Variants in EMC3 observed in about 807,000 individuals in gnomAD.
EMC3 encodes 30 kDa protein.
Under a neutral mutation model 36.6 loss-of-function variants are expected in EMC3, and 13 were observed. That is an observed-to-expected ratio of 0.35 (90% confidence interval 0.23 to 0.56). EMC3 has a LOEUF of 0.56. EMC3 is among the 20% of genes least tolerant of loss of function. The probability of loss-of-function intolerance (pLI) is 0.84; values close to 1 mark genes in which losing one functional copy is unlikely to be tolerated. For synonymous variants in EMC3, 120 were observed against 111.9 expected, an observed-to-expected ratio of 1.07 and a Z score of -0.46; for missense variants, 220 against 324.5, an observed-to-expected ratio of 0.68 and a Z score of 2.47.
At chr3:10,003,053 A>C (rs1472457318) in intron 1 of EMC3, 1 of 456,260 alleles carries the variant, frequency 2.2e-6, no homozygotes, top group Non-Finnish European at 4.4e-6. Flanking sequence ...CAAGCCGCCC[A>C]GCATGACCCT....
chr3:9,994,050 CA>C, intron 1 of EMC3: 1 of 1,186,510 alleles, frequency 8.4e-7, no homozygotes. Flanking sequence ...CTGTGTAAAA[CA>C]AAGATTAAGA....
upstream of EMC3, chr3:9,987,264 G>C (rs2085987700): frequency 2.0e-6 from 2 of 984,298 alleles, no homozygotes; most frequent in African/African-American, 3.5e-5. Context: ...ACGGCTTCTC[G>C]GTGAGTAAAT....
rs1218605649 is a variant in EMC3 at position 10,003,049 on chromosome 3, G to A, written c.-242+7974C>T. On this transcript the variant is annotated intron_variant, in intron 1 of 8. Transcript: ENST00000470827. ...AGAAACATCCCAGGCTCAACAAGCC[G>A]CCCAGCATGACCCTGTGGCCTACCC... 3.3e-5 allele frequency: 15 copies of A among 452,120 alleles called. 1 individual carries two copies. Among genetic ancestry groups the A allele is most frequent in the South Asian group, 9.3e-5 (6 of 64,280 alleles). 28.0% of individuals were successfully genotyped at this position (452,120 alleles called of 1,614,324 possible).
intron 1 of EMC3, among the ~76,000 whole-genome samples, chr3:9,992,640 CACT>C (rs2086069303): frequency 1.3e-5 from 2 of 152,152 alleles, no homozygotes; most frequent in Admixed American, 1.3e-4. Flanking sequence ...GTAGTAGTAT[CACT>C]TTAATGTATA....
chr3:9,991,950 G>A (rs369580674), intron 1 of EMC3, among the ~76,000 whole-genome samples: 2 of 152,076 alleles, frequency 1.3e-5, no homozygotes, highest in Non-Finnish European at 2.9e-5. Flanking sequence ...TTGCGCTCCC[G>A]TGAGAATCTA....
chr3:10,006,981 T>C (rs921360591), intron 1 of EMC3: 3 of 289,042 alleles, frequency 1.0e-5, no homozygotes, highest in Non-Finnish European at 2.0e-5. Flanking sequence ...AAATGGTTAC[T>C]GATAAGTGAC....
intron 5 of EMC3, among the ~76,000 whole-genome samples, chr3:9,972,731 C>T (rs1160100754): frequency 1.3e-5 from 2 of 151,354 alleles, no homozygotes; most frequent in East Asian, 2.0e-4. Flanking sequence ...CACCGCTGCA[C>T]TCCAAGCTGG....
chr3:9,974,715 C>T (rs1217364849), intron 3 of EMC3, among the ~76,000 whole-genome samples: 8 of 151,378 alleles, frequency 5.3e-5, no homozygotes, highest in Admixed American at 1.3e-4. Context: ...CCTGCCACCA[C>T]GCCTGGCTAA....
intron 1 of EMC3, among the ~76,000 whole-genome samples, chr3:9,979,980 A>C (rs1473866505): frequency 2.0e-5 from 3 of 151,974 alleles, no homozygotes; most frequent in African/African-American, 7.3e-5. Context: ...GGTGTGCAAG[A>C]GCCAGACTAT....
chr3:10,001,405 C>CAAAAAA (rs60785369), intron 1 of EMC3, among the ~76,000 whole-genome samples: 1 of 79,650 alleles, frequency 1.3e-5, no homozygotes, highest in Non-Finnish European at 2.7e-5. Flanking sequence ...GCTAAAAATA[C>CAAAAAA]AAAAAAAAAA....
intron 7 of EMC3, 97 bp from the exon 8 acceptor site, chr3:9,964,294 G>A: frequency 6.6e-7 from 1 of 1,524,184 alleles, no homozygotes; most frequent in Non-Finnish European, 8.8e-7. Context: ...CCAAAAGCTG[G>A]AGTGAGCTAT....
Position 9,974,375 on chromosome 3 carries a change from G to C in EMC3, c.412+9C>G. ...GGGTAACATGAAGTCGGCTGGGTCT[G>C]TAACTTACTTGTGACAAAGCCTGAG... On this transcript the variant is annotated intron_variant, in intron 4 of 7. Transcript: ENST00000245046. 1 of 1,596,030 alleles carries C rather than the reference G, an allele frequency of 6.3e-7. No individual in the cohort carries two copies.
Position 9,963,454 on chromosome 3 carries a change from G to GATAGATAGATAGATATAGATAT in EMC3, c.*614_*615insATATCTATATCTATCTATCTAT, listed in dbSNP as rs756069988. ...CGAAGACTGGGCTTCTGCTAAGATA[G>GATAGATAGATAGATATAGATAT]ATATATATATATATATATATATATT... On this transcript the variant is annotated 3_prime_UTR_variant, in exon 8 of 8. Transcript: ENST00000245046. 1.0e-5 allele frequency: 1 copy of GATAGATAGATAGATATAGATAT among 99,716 alleles called. No homozygotes were observed. The highest frequency in any genetic ancestry group is 1.9e-5 in the Non-Finnish European group (1 of 51,734). The allele number at this position is 99,716 out of a possible 1,614,324, so 6.2% of individuals were successfully genotyped here. A position where few individuals can be genotyped will look rare whatever the true frequency, so the allele number is the denominator to read the frequency against.
At chr3:9,975,517 AAAAG>A (rs958525936) in intron 3 of EMC3, among the ~76,000 whole-genome samples, 6 of 152,122 alleles carry the variant, frequency 3.9e-5, no homozygotes, top group Non-Finnish European at 8.8e-5. Context: ...AAAAAAAAAA[AAAAG>A]AGATATCTTG....
At chr3:9,965,416 CGATA>C (rs57264688) in intron 7 of EMC3, among the ~76,000 whole-genome samples, 31,837 of 145,670 alleles carry the variant, frequency 0.22, 4,000 homozygotes, top group Non-Finnish European at 0.29. Flanking sequence ...GTGAGACCCT[CGATA>C]GATAGATAGA....
chr3:9,990,440 TC>T (rs1559355895), upstream of EMC3, among the ~76,000 whole-genome samples: 1 of 146,000 alleles, frequency 6.8e-6, no homozygotes. Context: ...GTTCAAGCGA[TC>T]CCCCCACCTC....
intron 2 of EMC3, 92 bp from the exon 3 acceptor site, chr3:9,977,142 T>G: frequency 9.8e-7 from 1 of 1,018,022 alleles, no homozygotes; most frequent in South Asian, 1.5e-5. Flanking sequence ...AGAAGGCCTT[T>G]AGGATATGCT....
Position 9,986,824 on chromosome 3 carries a change from C to T in EMC3, c.-163G>A, listed in dbSNP as rs6797980. 114 of 1,408,018 alleles carry T rather than the reference C, an allele frequency of 8.1e-5. No individual in the cohort carries two copies. Among genetic ancestry groups the T allele is most frequent in the Non-Finnish European group, 9.9e-5 (107 of 1,078,912 alleles). The allele number at this position is 1,408,018 out of a possible 1,614,324, so 87.2% of individuals were successfully genotyped here. A position where few individuals can be genotyped will look rare whatever the true frequency, so the allele number is the denominator to read the frequency against. ...GCCGAGCTTACTGCCTTCAGCTGGG[C>T]TGCCTGGTCTTCCACTTCCGGCGCG... On this transcript the variant is annotated 5_prime_UTR_variant, in exon 1 of 8. Transcript: ENST00000245046.
intron 1 of EMC3, chr3:10,008,321 G>A (rs1439862709): frequency 1.8e-6 from 2 of 1,084,742 alleles, no homozygotes; most frequent in African/African-American, 3.2e-5. Context: ...ATAGAGCTGG[G>A]CTGGGTCAAG....
Sources: gnomAD v4.1 joint callset for allele counts (sites outside exome capture counted in the v4.1 genomes callset) on GRCh38, gnomAD v4.1.1 for gene constraint, MANE v1.5 for transcripts, NCBI Gene and HGNC (gene_info 2026-07-23, HGNC 2026-07-21) for gene names.